UNC13C: variants seen among roughly 807,000 people sequenced by gnomAD.
UNC13C encodes unc-13 homolog C.
Under a neutral mutation model 245.4 loss-of-function variants are expected in UNC13C, and 174 were observed. The ratio of observed to expected loss-of-function variants is 0.71; its 90% CI spans 0.63 to 0.80. The LOEUF is 0.80. Among genes scored for constraint, UNC13C ranks in the 30% least tolerant of loss-of-function variants. The pLI, the probability that UNC13C is intolerant of heterozygous loss-of-function variation, is 0.00. For missense variants in UNC13C, 2,829 were observed against 2,602.9 expected, an observed-to-expected ratio of 1.09 and a Z score of -1.89; for synonymous variants, 992 against 895.1, an observed-to-expected ratio of 1.11 and a Z score of -1.93.
Position 54,053,291 on chromosome 15 carries a change from G to A in UNC13C, c.2983+37405G>A, listed in dbSNP as rs565629946. Among the ~76,000 whole-genome samples, 122 of 152,086 alleles carry A rather than the reference G, an allele frequency of 8.0e-4. 4 individuals carry two copies. In the South Asian group the frequency reaches 0.011, roughly 14 times the overall value. ...AAGTGATACACTCACCTCAGCCTCC[G>A]AAAGTGTTGGGATTACAGGCATAAG... On this transcript the variant is annotated intron_variant, in intron 2 of 32. Transcript: ENST00000260323.
chr15:53,995,359 C>G (rs1237805428), intron 1 of UNC13C, among the ~76,000 whole-genome samples: 1 of 151,970 alleles, frequency 6.6e-6, no homozygotes, highest in Non-Finnish European at 1.5e-5. Context: ...CTCATTAGCC[C>G]CAGTCTTCAA....
the UNC13C span, among the ~76,000 whole-genome samples, chr15:53,935,786 T>G: frequency 6.6e-6 from 1 of 152,032 alleles, no homozygotes; most frequent in Non-Finnish European, 1.5e-5. Context: ...GAAGCCACAC[T>G]TTTCCCATGG....
intron 2 of UNC13C, among the ~76,000 whole-genome samples, chr15:54,103,474 C>A (rs1308689702): frequency 6.6e-6 from 1 of 152,152 alleles, no homozygotes; most frequent in Non-Finnish European, 1.5e-5. Context: ...GTTTACCAAC[C>A]GTGTTCAAAT....
chr15:54,109,582 T>C (rs1900659833), intron 2 of UNC13C, among the ~76,000 whole-genome samples: 2 of 151,934 alleles, frequency 1.3e-5, no homozygotes, highest in South Asian at 4.2e-4. Context: ...TCTCAGGTGA[T>C]CCATCCACCT....
the UNC13C span, among the ~76,000 whole-genome samples, chr15:53,957,820 C>T: frequency 6.6e-6 from 1 of 152,214 alleles, no homozygotes; most frequent in South Asian, 2.1e-4. Context: ...TAGTGCTCAG[C>T]CTTGCATGGG....
chr15:54,070,313 A>C lies in UNC13C; in HGVS notation c.2983+54427A>C, dbSNP rs28510127. Reference sequence around the variant, plus strand: ...CCTCAAGGACCCTCAAGGATCTTATAATCTAGTTAGGCATAAAAGACATGA... The same window carrying C: ...CCTCAAGGACCCTCAAGGATCTTATCATCTAGTTAGGCATAAAAGACATGA... On this transcript the variant is annotated intron_variant, in intron 2 of 32. Transcript: ENST00000260323. 3.5e-3 allele frequency among the ~76,000 whole-genome samples: 536 copies of C among 152,330 alleles called. 6 individuals carry two copies. Among genetic ancestry groups the C allele is most frequent in the African/African-American group, 0.011 (471 of 41,588 alleles).
chr15:54,537,987 A>T (rs762210183), intron 26 of UNC13C, among the ~76,000 whole-genome samples: 1 of 151,632 alleles, frequency 6.6e-6, no homozygotes, highest in Non-Finnish European at 1.5e-5. Flanking sequence ...AAAAAATAGG[A>T]CTAATTAAAG....
intron 18 of UNC13C, among the ~76,000 whole-genome samples, chr15:54,408,475 G>A (rs2040353061): frequency 6.6e-6 from 1 of 151,996 alleles, no homozygotes; most frequent in Admixed American, 6.5e-5. Flanking sequence ...TAGGGGTTTT[G>A]TGAGAAACAA....
intron 25 of UNC13C, among the ~76,000 whole-genome samples, chr15:54,526,561 C>T (rs1183261518): frequency 6.6e-6 from 1 of 151,452 alleles, no homozygotes; most frequent in African/African-American, 2.4e-5. Flanking sequence ...GAAACCCCGT[C>T]TCTACTAAAA....
intron 19 of UNC13C, among the ~76,000 whole-genome samples, chr15:54,471,564 T>C (rs1184677580): frequency 1.3e-5 from 2 of 151,656 alleles, no homozygotes; most frequent in African/African-American, 2.4e-5. Flanking sequence ...ATTCCTTCAC[T>C]TTCAGTCTAT....
intron 4 of UNC13C, among the ~76,000 whole-genome samples, chr15:54,171,462 TAAAAG>T (rs896003549): frequency 6.6e-5 from 10 of 152,028 alleles, no homozygotes; most frequent in Admixed American, 5.9e-4. Flanking sequence ...AGACATCTCT[TAAAAG>T]AAGACAAACA....
the UNC13C span, among the ~76,000 whole-genome samples, chr15:53,846,479 T>G: frequency 6.6e-6 from 1 of 152,206 alleles, no homozygotes; most frequent in Non-Finnish European, 1.5e-5. Flanking sequence ...AAGTTACTTA[T>G]TTTCCACATT....
At chr15:54,311,397 C>A (rs2037869159) in intron 13 of UNC13C, among the ~76,000 whole-genome samples, 1 of 151,548 alleles carries the variant, frequency 6.6e-6, no homozygotes, top group South Asian at 2.1e-4. Context: ...TTTACATTTC[C>A]TTTCAATCAA....
chr15:54,018,540 A>C (rs1439101625), intron 2 of UNC13C, among the ~76,000 whole-genome samples: 3 of 150,526 alleles, frequency 2.0e-5, no homozygotes, highest in African/African-American at 7.3e-5. Context: ...GAGACCTTAG[A>C]GTGTGTGTAG....
At chr15:54,417,041 G>A in intron 19 of UNC13C, 1 of 442,858 alleles carries the variant, frequency 2.3e-6, no homozygotes, top group Non-Finnish European at 4.5e-6. Flanking sequence ...GTAGCTCCCA[G>A]GAATAAACTT....
the UNC13C span, among the ~76,000 whole-genome samples, chr15:53,864,232 G>C: frequency 6.6e-6 from 1 of 152,072 alleles, no homozygotes; most frequent in Non-Finnish European, 1.5e-5. Context: ...ATTGAAAACT[G>C]ACTGAAAATA....
In UNC13C at chr15:54,438,046, C is replaced by T. The variant is rs764073975; in HGVS notation, c.4933+22979C>T. Among the ~76,000 whole-genome samples, 26 of 151,780 alleles carry T rather than the reference C, an allele frequency of 1.7e-4. 1 individual carries two copies. Among genetic ancestry groups the T allele is most frequent in the Admixed American group, 1.1e-3 (16 of 15,184 alleles). On this transcript the variant is annotated intron_variant, in intron 19 of 32. Transcript: ENST00000260323. ...GAGGGAACTAGGGTAAAATACACTTCAAGTCATCATCAGTTTAGTCTCTTT... is the reference window on the plus strand; with the variant it reads ...GAGGGAACTAGGGTAAAATACACTTTAAGTCATCATCAGTTTAGTCTCTTT...
intron 30 of UNC13C, among the ~76,000 whole-genome samples, chr15:54,615,758 T>C (rs1900392234): frequency 6.6e-6 from 1 of 152,022 alleles, no homozygotes; most frequent in South Asian, 2.1e-4. Context: ...TAATGGTGAC[T>C]GGCCAAATCC....
chr15:54,042,780 G>T (rs1226452690), intron 2 of UNC13C, among the ~76,000 whole-genome samples: 2 of 152,158 alleles, frequency 1.3e-5, no homozygotes, highest in Non-Finnish European at 2.9e-5. Flanking sequence ...GTGAACCCGG[G>T]AGGTGGAACT....
Sources: gnomAD v4.1 joint callset for allele counts (sites outside exome capture counted in the v4.1 genomes callset) on GRCh38, gnomAD v4.1.1 for gene constraint, MANE v1.5 for transcripts, NCBI Gene and HGNC (gene_info 2026-07-23, HGNC 2026-07-21) for gene names.